ATP10B: variants seen among roughly 807,000 people sequenced by gnomAD.
ATP10B encodes phospholipid-transporting ATPase VB.
ATP10B carries 122 observed loss-of-function variants against 141.2 expected under a neutral mutation model. That is an observed-to-expected ratio of 0.86 (90% CI 0.75 to 1.00). The LOEUF is 1.00. Among genes scored for constraint, ATP10B ranks in the 50% least tolerant of loss-of-function variants. The probability of loss-of-function intolerance (pLI) is 0.00; values close to 1 mark genes in which losing one functional copy is unlikely to be tolerated. For missense variants in ATP10B, 1,876 were observed against 1,825.3 expected, an observed-to-expected ratio of 1.03 and a Z score of -0.51; for synonymous variants, 685 against 692.0, an observed-to-expected ratio of 0.99 and a Z score of 0.16.
At chr5:160,612,396 G>C (rs774013720) in intron 18 of ATP10B, 1 of 180,426 alleles carries the variant, frequency 5.5e-6, no homozygotes, top group East Asian at 1.5e-4. Flanking sequence ...GAAATAAGCA[G>C]GGTAAACCTG....
the ATP10B span, among the ~76,000 whole-genome samples, chr5:160,883,497 A>AT: frequency 2.0e-5 from 3 of 151,966 alleles, no homozygotes; most frequent in East Asian, 5.8e-4. Context: ...TTTTTTTCAC[A>AT]TTTTTATGGC....
chr5:160,853,904 C>T (rs1581657825), upstream of ATP10B, among the ~76,000 whole-genome samples: 1 of 152,088 alleles, frequency 6.6e-6, no homozygotes, highest in African/African-American at 2.4e-5. Flanking sequence ...ACTTATAGTT[C>T]CTATTTCCAG....
At chr5:160,591,807 T>G (rs765809718) in intron 22 of ATP10B, among the ~76,000 whole-genome samples, 8 of 152,198 alleles carry the variant, frequency 5.3e-5, no homozygotes, top group Non-Finnish European at 1.0e-4. Flanking sequence ...AGGGTAAACT[T>G]AGAAGAGCCC....
chr5:160,868,521 T>TACACACACAC, the ATP10B span, among the ~76,000 whole-genome samples: 3,230 of 130,368 alleles, frequency 0.025, 90 homozygotes, highest in East Asian at 0.044. Context: ...TATGAACAGA[T>TACACACACAC]ACACACACAC....
chr5:160,639,650 G>A (rs898252357), intron 10 of ATP10B, among the ~76,000 whole-genome samples: 2 of 152,152 alleles, frequency 1.3e-5, no homozygotes, highest in African/African-American at 2.4e-5. Flanking sequence ...TGACTTTAAC[G>A]CAGTGGTCTG....
intron 2 of ATP10B, among the ~76,000 whole-genome samples, chr5:160,775,130 T>C (rs1419138094): frequency 6.6e-6 from 1 of 152,198 alleles, no homozygotes; most frequent in African/African-American, 2.4e-5. Flanking sequence ...TCACTAGCCG[T>C]GGCCGTGTTT....
intron 1 of ATP10B, among the ~76,000 whole-genome samples, chr5:160,808,971 G>T (rs1772967278): frequency 6.6e-6 from 1 of 152,154 alleles, no homozygotes; most frequent in Non-Finnish European, 1.5e-5. Flanking sequence ...GCAGTCTCTA[G>T]TATTCCTTGG....
chr5:160,672,864 C>T (rs909554728), intron 6 of ATP10B, among the ~76,000 whole-genome samples: 2 of 152,208 alleles, frequency 1.3e-5, no homozygotes, highest in African/African-American at 4.8e-5. Context: ...TTCCTCCCCT[C>T]CTGGAGGCCC....
At chr5:160,699,048 C>G (rs1764531206) in intron 3 of ATP10B, among the ~76,000 whole-genome samples, 1 of 152,198 alleles carries the variant, frequency 6.6e-6, no homozygotes, top group South Asian at 2.1e-4. Context: ...TGGAGAGACA[C>G]TGCCTTTTAT....
At position 160,850,661 on chromosome 5, in the gene ATP10B, C is replaced by T. The variant is rs184935061; in HGVS notation, c.-576+1280G>A. Among the ~76,000 whole-genome samples, 172 of 152,230 alleles carry T rather than the reference C, an allele frequency of 1.1e-3. No individual in the cohort carries two copies. In the Middle Eastern group the frequency reaches 0.014, roughly 12 times the overall value. ...ACATGCTTCAAAAGATAAGGCTCAT[C>T]GTTTAGCACGAGAGGAGTATGATTT... On this transcript the variant is annotated intron_variant, in intron 1 of 25. Transcript: ENST00000327245.
At chr5:160,616,078 T>TAGATG in intron 16 of ATP10B, 114 bp from the exon 17 acceptor site, 1 of 1,126,908 alleles carries the variant, frequency 8.9e-7, no homozygotes. Context: ...CCTACATAAT[T>TAGATG]AGATGGGGCT....
intron 2 of ATP10B, among the ~76,000 whole-genome samples, chr5:160,730,718 T>C (rs1380209156): frequency 1.3e-5 from 2 of 152,152 alleles, no homozygotes; most frequent in African/African-American, 2.4e-5. Context: ...AGGGTGTCTG[T>C]CCAGCTAGTA....
chr5:160,686,361 T>C, intron 5 of ATP10B, 88 bp from the exon 6 acceptor site: 1 of 1,008,782 alleles, frequency 9.9e-7, no homozygotes, highest in Non-Finnish European at 1.4e-6. Flanking sequence ...TTGGCCTTGA[T>C]CAATTAAACC....
chr5:160,886,906 T>A, the ATP10B span, among the ~76,000 whole-genome samples: 1 of 152,198 alleles, frequency 6.6e-6, no homozygotes, highest in Non-Finnish European at 1.5e-5. Context: ...TTGAAAATGC[T>A]CCATTAAAGG....
the ATP10B span, among the ~76,000 whole-genome samples, chr5:160,869,478 GA>G: frequency 4.1e-4 from 62 of 150,980 alleles, no homozygotes; most frequent in African/African-American, 1.3e-3. Flanking sequence ...TTCAGTTGGG[GA>G]AAAAAAAAGT....
chr5:160,827,945 C>T (rs1274918528), intron 1 of ATP10B, among the ~76,000 whole-genome samples: 1 of 152,078 alleles, frequency 6.6e-6, no homozygotes, highest in Non-Finnish European at 1.5e-5. Context: ...TTCCATTGAT[C>T]TATATCTCTG....
chr5:160,705,831 A>G (rs1467850036), intron 3 of ATP10B, among the ~76,000 whole-genome samples: 1 of 152,258 alleles, frequency 6.6e-6, no homozygotes, highest in East Asian at 1.9e-4. Flanking sequence ...CAAGAGGCCT[A>G]GATTTCAGCC....
the ATP10B span, among the ~76,000 whole-genome samples, chr5:160,862,563 C>CA: frequency 6.6e-6 from 1 of 151,980 alleles, no homozygotes; most frequent in Non-Finnish European, 1.5e-5. Context: ...CGCTGGTATA[C>CA]AGTATTCTTT....
the ATP10B span, among the ~76,000 whole-genome samples, chr5:160,861,487 A>G: frequency 3.9e-5 from 6 of 151,976 alleles, no homozygotes; most frequent in Non-Finnish European, 8.8e-5. Flanking sequence ...GATACTTTAT[A>G]GCATTAGGTA....
Sources: gnomAD v4.1 joint callset for allele counts (sites outside exome capture counted in the v4.1 genomes callset) on GRCh38, gnomAD v4.1.1 for gene constraint, MANE v1.5 for transcripts, NCBI Gene and HGNC (gene_info 2026-07-23, HGNC 2026-07-21) for gene names.